Variants in NMNAT2 observed in about 807,000 individuals in gnomAD.
NMNAT2 encodes nicotinamide nucleotide adenylyltransferase 2.
Under a neutral mutation model 41.6 loss-of-function variants are expected in NMNAT2, and 11 were observed. The observed-to-expected ratio is 0.26, with a 90% confidence interval of 0.17 to 0.44. The LOEUF (loss-of-function observed/expected upper bound fraction) is 0.44. NMNAT2 is among the 20% of genes least tolerant of loss of function. The pLI is 1.00. For synonymous variants in NMNAT2, 148 were observed against 151.2 expected, an observed-to-expected ratio of 0.98 and a Z score of 0.16; for missense variants, 288 against 407.7, an observed-to-expected ratio of 0.71 and a Z score of 2.53.
chr1:183,389,173 T>A (rs1648358434), intron 1 of NMNAT2, among the ~76,000 whole-genome samples: 3 of 152,086 alleles, frequency 2.0e-5, no homozygotes, highest in Non-Finnish European at 4.4e-5. Flanking sequence ...GTATCACCCC[T>A]CCAGCACTGC....
rs1661539271 is a variant in NMNAT2 at position 183,291,467 on chromosome 1, C to A, written c.243-1261G>T. Among the ~76,000 whole-genome samples the A allele has an allele frequency of 2.0e-5, 3 of 152,178 alleles. No individual in the cohort carries two copies. In the South Asian group the frequency reaches 6.2e-4, roughly 32 times the overall value. Reference sequence around the variant, plus strand: ...CTAAATGGGATCCCAGTGTCAGGCGCCCCACCCCAGCCAACCCCATCTCTA... The same window carrying A: ...CTAAATGGGATCCCAGTGTCAGGCGACCCACCCCAGCCAACCCCATCTCTA... On this transcript the variant is annotated intron_variant, in intron 3 of 10. Coordinates refer to ENST00000287713, the MANE Select transcript of NMNAT2 (RefSeq NM_015039.4).
At chr1:183,286,466 T>G (rs1661401082) in intron 5 of NMNAT2, among the ~76,000 whole-genome samples, 196 bp downstream of exon 5, 1 of 152,176 alleles carries the variant, frequency 6.6e-6, no homozygotes, top group African/African-American at 2.4e-5. Context: ...TGGTTTGCTC[T>G]TATGCTCAGT....
intron 8 of NMNAT2, among the ~76,000 whole-genome samples, chr1:183,268,082 G>A (rs1558110677): frequency 6.6e-6 from 1 of 152,146 alleles, no homozygotes; most frequent in Non-Finnish European, 1.5e-5. Context: ...GATGGGGAGA[G>A]GATGTGGGAG....
At chr1:183,415,596 C>T (rs546286152) in intron 1 of NMNAT2, among the ~76,000 whole-genome samples, 59 of 152,304 alleles carry the variant, frequency 3.9e-4, no homozygotes, top group Admixed American at 1.3e-4. Flanking sequence ...AGTCTCAGTG[C>T]CACCCATTCT....
intron 1 of NMNAT2, among the ~76,000 whole-genome samples, chr1:183,410,326 A>T (rs1331447637): frequency 6.6e-6 from 1 of 151,956 alleles, no homozygotes; most frequent in Admixed American, 6.6e-5. Flanking sequence ...CCATCTCAAA[A>T]AATAAAAATA....
At chr1:183,359,891 T>C (rs1365026489) in intron 1 of NMNAT2, among the ~76,000 whole-genome samples, 2 of 151,792 alleles carry the variant, frequency 1.3e-5, no homozygotes, top group Non-Finnish European at 2.9e-5. Flanking sequence ...TAATGATAGA[T>C]TTTTTCTCAC....
intron 1 of NMNAT2, among the ~76,000 whole-genome samples, chr1:183,356,479 CCT>C (rs1663190619): frequency 6.6e-6 from 1 of 152,232 alleles, no homozygotes; most frequent in Admixed American, 6.5e-5. Context: ...TTTGCATATA[CCT>C]GCTAAATACA....
Position 183,373,666 on chromosome 1 carries a change from G to A in NMNAT2, c.85+44517C>T, listed in dbSNP as rs545007702. Among the ~76,000 whole-genome samples the A allele has an allele frequency of 3.3e-5, 5 of 150,544 alleles. No individual in the cohort carries two copies. In the South Asian group the frequency reaches 1.1e-3, roughly 32 times the overall value. ...AGAGTCTCACTCTGTTGCCCAGGCT[G>A]GAGTGCAGTGGTGCCATCTCGGCTC... On this transcript the variant is annotated intron_variant, in intron 1 of 10. Coordinates refer to ENST00000287713, the MANE Select transcript of NMNAT2 (RefSeq NM_015039.4).
At chr1:183,328,691 A>C (rs12122568) in intron 1 of NMNAT2, among the ~76,000 whole-genome samples, 68,164 of 152,102 alleles carry the variant, frequency 0.45, 16,294 homozygotes, top group East Asian at 0.78. Flanking sequence ...GATGTTCTGC[A>C]CCAACAAACC....
At chr1:183,414,192 T>C (rs936099073) in intron 1 of NMNAT2, among the ~76,000 whole-genome samples, 6 of 152,070 alleles carry the variant, frequency 3.9e-5, no homozygotes, top group Non-Finnish European at 7.4e-5. Flanking sequence ...GAAACAGGAG[T>C]TTGAGGCTGC....
intron 1 of NMNAT2, among the ~76,000 whole-genome samples, chr1:183,387,962 C>T (rs1648309629): frequency 6.6e-6 from 1 of 152,188 alleles, no homozygotes; most frequent in African/African-American, 2.4e-5. Context: ...CCTTAGAGAA[C>T]ACCAGAATAA....
At chr1:183,342,718 C>G (rs982593246) in intron 1 of NMNAT2, among the ~76,000 whole-genome samples, 10 of 152,012 alleles carry the variant, frequency 6.6e-5, no homozygotes. Flanking sequence ...AAAGTCATCT[C>G]AAACTCATTT....
chr1:183,407,893 T>C lies in NMNAT2; in HGVS notation c.85+10290A>G, dbSNP rs893005902. 2.0e-5 allele frequency among the ~76,000 whole-genome samples: 3 copies of C among 152,356 alleles called. No individual in the cohort carries two copies. In the East Asian group the frequency reaches 5.8e-4, roughly 29 times the overall value. On this transcript the variant is annotated intron_variant, in intron 1 of 10. Transcript: ENST00000287713. Reference sequence around the variant, plus strand: ...ATGTGTTCTGAGAAAGTATACCTAATGTTCAACAGCAGATAAATGTCCAAC... The same window carrying C: ...ATGTGTTCTGAGAAAGTATACCTAACGTTCAACAGCAGATAAATGTCCAAC...
chr1:183,304,635 C>T (rs757789891), intron 1 of NMNAT2: 1 of 1,596,918 alleles, frequency 6.3e-7, no homozygotes, highest in South Asian at 1.1e-5. Context: ...GCTGCCCCGC[C>T]CTCATGCCAT....
chr1:183,298,645 G>A (rs1469502922), intron 1 of NMNAT2, among the ~76,000 whole-genome samples: 5 of 152,116 alleles, frequency 3.3e-5, no homozygotes, highest in African/African-American at 9.7e-5. Context: ...TGTTGCCTCT[G>A]TGAACACAGG....
At chr1:183,357,088 A>G (rs1480376595) in intron 1 of NMNAT2, among the ~76,000 whole-genome samples, 2 of 152,122 alleles carry the variant, frequency 1.3e-5, no homozygotes, top group East Asian at 1.9e-4. Flanking sequence ...TGGGACGGCT[A>G]TGGTGAGGTG....
At chr1:183,417,796 C>T (rs1349532682) in intron 1 of NMNAT2, among the ~76,000 whole-genome samples, 1 of 152,188 alleles carries the variant, frequency 6.6e-6, no homozygotes, top group Non-Finnish European at 1.5e-5. Flanking sequence ...TATCTCCAGC[C>T]CCTTCCTCCC....
At position 183,346,449 on chromosome 1, in the gene NMNAT2, C is replaced by T. The variant is rs1316464406; in HGVS notation, c.86-52656G>A. ...ATTTATAAATGGCCACTGGTTGGGA[C>T]TGAGCTTCTGCACGAGGCACAACAG... On this transcript the variant is annotated intron_variant, in intron 1 of 10. Coordinates refer to ENST00000287713, the MANE Select transcript of NMNAT2 (RefSeq NM_015039.4). Among the ~76,000 whole-genome samples the T allele has an allele frequency of 1.3e-5, 2 of 152,212 alleles. 1 individual carries two copies. The highest frequency in any genetic ancestry group is 2.9e-5 in the Non-Finnish European group (2 of 68,042).
Position 183,293,700 on chromosome 1 carries a change from C to T in NMNAT2, c.174+5G>A. ...AAGAGGAGAGGGGCACAGGAAGGAA[C>T]CCACCTGTTTTCCATAGGAGTCGTG... On this transcript the variant is annotated splice_donor_5th_base_variant and intron_variant, in intron 2 of 10. Transcript: ENST00000287713. 1 of 1,608,208 alleles carries T rather than the reference C, an allele frequency of 6.2e-7. No homozygotes were observed. The highest frequency in any genetic ancestry group is 8.5e-7 in the Non-Finnish European group (1 of 1,174,586).
Sources: gnomAD v4.1 joint callset for allele counts (sites outside exome capture counted in the v4.1 genomes callset) on GRCh38, gnomAD v4.1.1 for gene constraint, MANE v1.5 for transcripts, NCBI Gene and HGNC (gene_info 2026-07-23, HGNC 2026-07-21) for gene names.